ZNF746: variants seen among roughly 807,000 people sequenced by gnomAD.
ZNF746 encodes zinc finger protein 746, also known as parkin-interacting substrate.
In ZNF746, 13 loss-of-function variants were observed where a neutral mutation model predicts 41.0. That is an observed-to-expected ratio of 0.32 (90% confidence interval 0.21 to 0.50). The LOEUF is 0.50. Among genes scored for constraint, ZNF746 ranks in the 20% least tolerant of loss-of-function variants. The pLI is 0.98. For missense variants in ZNF746, 811 were observed against 922.9 expected, an observed-to-expected ratio of 0.88 and a Z score of 1.57; for synonymous variants, 424 against 396.2, an observed-to-expected ratio of 1.07 and a Z score of -0.83.
At chr7:149,477,109 T>C (rs1585721877) in intron 5 of ZNF746, 62 bp from the exon 6 acceptor site, 4 of 1,539,664 alleles carry the variant, frequency 2.6e-6, no homozygotes, top group East Asian at 4.6e-5. Context: ...CAGAAGACTG[T>C]TGGGGAGGAG....
chr7:149,497,050 G>C lies in ZNF746; in HGVS notation c.24+463C>G, dbSNP rs1801022133. On this transcript the variant is annotated intron_variant, in intron 1 of 6. Transcript: ENST00000458143. This position sits in a 1 kb window ranked among gnomAD's most constrained non-coding sequence, Gnocchi z 4.2. ...AGTGCGTGGCTCTATATTCCCTTCC[G>C]CGCCGACCCCGGGAAGCTGGGCACG... is the stretch of plus-strand genomic sequence containing the variant. The C allele has an allele frequency of 2.0e-6, 2 of 985,258 alleles. No homozygotes were observed. The highest frequency in any genetic ancestry group is 3.5e-5 in the African/African-American group (2 of 57,222). 61.0% of individuals were successfully genotyped at this position (985,258 alleles called of 1,614,324 possible).
intron 4 of ZNF746, among the ~76,000 whole-genome samples, chr7:149,478,124 C>G (rs1218297658): frequency 7.0e-6 from 1 of 142,874 alleles, no homozygotes; most frequent in African/African-American, 2.5e-5. Context: ...ACCTTCCCCC[C>G]TCATATATTT....
intron 1 of ZNF746, among the ~76,000 whole-genome samples, chr7:149,496,663 T>A (rs1332064866): frequency 6.6e-6 from 1 of 152,050 alleles, no homozygotes; most frequent in African/African-American, 2.4e-5. Context: ...GGGCCTGAAA[T>A]CCTAGCCTTC....
intron 4 of ZNF746, among the ~76,000 whole-genome samples, chr7:149,480,352 C>G (rs1800448900): frequency 6.6e-6 from 1 of 152,168 alleles, no homozygotes; most frequent in Admixed American, 6.5e-5. Flanking sequence ...ATAAGACTAT[C>G]AAAACTGACC....
chr7:149,481,639 T>C (rs922175480), intron 4 of ZNF746, among the ~76,000 whole-genome samples: 18 of 152,192 alleles, frequency 1.2e-4, no homozygotes, highest in African/African-American at 4.3e-4. Context: ...GAGGGCTCAT[T>C]ACCATCAGAC....
Position 149,477,057 on chromosome 7 carries a change from G to A in ZNF746, c.758-10C>T. 6.2e-7 allele frequency: 1 copy of A among 1,610,774 alleles called. No homozygotes were observed. The highest frequency in any genetic ancestry group is 1.7e-5 in the Admixed American group (1 of 59,890). On this transcript the variant is annotated splice_polypyrimidine_tract_variant and intron_variant, in intron 5 of 6. Transcript: ENST00000458143. ...AAGTTGGAATGGACACCTGCGGTAA[G>A]GGGAGAGCAGAGCCGGTGGGTTAGG...
chr7:149,479,586 CA>C (rs1329225991), intron 4 of ZNF746, among the ~76,000 whole-genome samples: 1 of 152,124 alleles, frequency 6.6e-6, no homozygotes, highest in Non-Finnish European at 1.5e-5. Context: ...TCAAGGATAA[CA>C]CTAGAAAATA....
At chr7:149,480,667 C>G (rs1800459782) in intron 4 of ZNF746, among the ~76,000 whole-genome samples, 2 of 152,118 alleles carry the variant, frequency 1.3e-5, no homozygotes, top group Non-Finnish European at 2.9e-5. Context: ...AACTCCTGAG[C>G]TCAGGCAATC....
At chr7:149,478,149 GA>G (rs946129144) in intron 4 of ZNF746, among the ~76,000 whole-genome samples, 2 of 151,510 alleles carry the variant, frequency 1.3e-5, no homozygotes, top group Admixed American at 1.3e-4. Flanking sequence ...GAGTGCAAAA[GA>G]AAAGATCCCA....
intron 3 of ZNF746, among the ~76,000 whole-genome samples, chr7:149,493,645 G>A (rs143238929): frequency 1.3e-5 from 2 of 152,362 alleles, no homozygotes; most frequent in East Asian, 1.9e-4. Context: ...AAGGCTGAAG[G>A]AAAGAGTCTT....
chr7:149,496,974 T>C (rs1801019428), intron 1 of ZNF746: 18 of 985,146 alleles, frequency 1.8e-5, no homozygotes, highest in Non-Finnish European at 2.2e-5. Context: ...CCAGTACCCA[T>C]CCCACAGGCT....
intron 5 of ZNF746, among the ~76,000 whole-genome samples, chr7:149,477,305 G>A (rs752655969): frequency 2.0e-4 from 30 of 152,150 alleles, no homozygotes; most frequent in Non-Finnish European, 3.2e-4. Flanking sequence ...CCCAATGCTG[G>A]GGCAAGAGAA....
In ZNF746 at chr7:149,474,135, A is replaced by G; in HGVS notation, c.*249T>C. 1 of 535,596 alleles carries G rather than the reference A, an allele frequency of 1.9e-6. No individual in the cohort carries two copies. Among genetic ancestry groups the G allele is most frequent in the East Asian group, 3.2e-5 (1 of 31,014 alleles). The allele number at this position is 535,596 out of a possible 1,614,324, so 33.2% of individuals were successfully genotyped here. A position where few individuals can be genotyped will look rare whatever the true frequency, so the allele number is the denominator to read the frequency against. On this transcript the variant is annotated 3_prime_UTR_variant, in exon 7 of 7. Coordinates refer to ENST00000458143, the MANE Select transcript of ZNF746 (RefSeq NM_001394198.1). The surrounding 1 kb of genome is among the most constrained non-coding windows in gnomAD (Gnocchi z 6.3). ...ATTAAAAAAAAACAAAAAACAAAAA[A>G]CAAAACAGGTTTGCAATTAAATTAC...
intron 4 of ZNF746, 82 bp from the exon 5 acceptor site, chr7:149,477,837 A>G (rs904553107): frequency 8.2e-7 from 1 of 1,226,654 alleles, no homozygotes; most frequent in Non-Finnish European, 1.1e-6. Flanking sequence ...GGAGAGATAG[A>G]CACAGGGGCC....
chr7:149,477,679 C>A lies in ZNF746; in HGVS notation c.642G>T (p.Gln214His), dbSNP rs532465499. ...CCCACGCCTCCACGCCCAGGGCCTG[C>A]TGCTCCTGGAGCTGGAGCTCACCCT... is the stretch of plus-strand genomic sequence containing the variant. ...KQEGELQLQE[Q>H]QALGVEAWAA... Residue 214 changes from glutamine to histidine, a missense_variant, in exon 5 of 7, where the codon CAG becomes CAT. By Grantham distance (24) the Gln-to-His change is conservative. Coordinates refer to ENST00000458143, the MANE Select transcript of ZNF746 (RefSeq NM_001394198.1). The A allele has an allele frequency of 5.6e-6, 9 of 1,613,880 alleles. No homozygotes were observed. Among genetic ancestry groups the A allele is most frequent in the African/African-American group, 1.3e-5 (1 of 74,930 alleles).
At chr7:149,489,268 C>G in intron 4 of ZNF746, 1 of 151,354 alleles carries the variant, frequency 6.6e-6, no homozygotes, top group African/African-American at 2.4e-5. Context: ...CACACACACA[C>G]ACACACGTTT....
Position 149,475,267 on chromosome 7 carries a change from G to C in ZNF746, c.1100C>G (p.Pro367Arg), listed in dbSNP as rs1292579593. The change falls in exon 7 of 7, where the codon CCT becomes CGT. Residue 367 changes from proline (P) to arginine (R), a missense_variant. Pro to Arg is a moderately radical substitution (Grantham distance 103). Around this residue, in one of 4 missense-constraint regions of ZNF746, gnomAD observed 495 missense variants for 481.6 expected, o/e 1.03. Transcript: ENST00000458143. ...PVLGLREPAR[P>R]ERDMGELSPA... ...ACTGAGCTCACCCATGTCCCTCTCA[G>C]GCCGGGCGGGCTCTCGCAGCCCCAG... 1 of 1,613,302 alleles carries C rather than the reference G, an allele frequency of 6.2e-7. No homozygotes were observed. Among genetic ancestry groups the C allele is most frequent in the Non-Finnish European group, 8.5e-7 (1 of 1,179,636 alleles).
chr7:149,493,709 C>T (rs370518242), intron 3 of ZNF746, among the ~76,000 whole-genome samples: 33 of 152,292 alleles, frequency 2.2e-4, no homozygotes, highest in African/African-American at 7.0e-4. Context: ...GGGCCTTCCC[C>T]GCTCCAAGTC....
chr7:149,485,164 AAAAG>A (rs1282791082), intron 4 of ZNF746, among the ~76,000 whole-genome samples: 1 of 151,862 alleles, frequency 6.6e-6, no homozygotes, highest in African/African-American at 2.4e-5. Flanking sequence ...AAAAAAAAAA[AAAAG>A]AACCTAGGAA....
Sources: allele counts gnomAD v4.1 joint callset (sites outside exome capture counted in the v4.1 genomes callset), GRCh38; gene constraint gnomAD v4.1.1; regional missense constraint gnomAD v4.1.1; non-coding constraint Gnocchi (gnomAD v3.1); transcripts MANE v1.5; gene names NCBI Gene and HGNC (gene_info 2026-07-23, HGNC 2026-07-21).